Variants in LRRC4C observed in about 807,000 individuals in gnomAD.
LRRC4C encodes leucine rich repeat containing 4C.
LRRC4C carries 5 observed loss-of-function variants against 33.6 expected under a neutral mutation model. The ratio of observed to expected loss-of-function variants is 0.15; its 90% CI spans 0.08 to 0.31. LRRC4C has a LOEUF of 0.31. Ranked by LOEUF, LRRC4C falls within the 10% of genes least tolerant of loss-of-function variation. The pLI is 1.00. For missense variants in LRRC4C, 560 were observed against 796.7 expected, an observed-to-expected ratio of 0.70 and a Z score of 3.58; for synonymous variants, 329 against 302.0, an observed-to-expected ratio of 1.09 and a Z score of -0.93.
At chr11:41,284,752 G>T (rs917978459) in intron 1 of LRRC4C, among the ~76,000 whole-genome samples, 1 of 152,140 alleles carries the variant, frequency 6.6e-6, no homozygotes, top group Admixed American at 6.5e-5. Flanking sequence ...AGAAAAGTTT[G>T]AACATGTGTA....
chr11:41,402,749 G>A (rs1310676643), intron 1 of LRRC4C, among the ~76,000 whole-genome samples: 2 of 151,692 alleles, frequency 1.3e-5, no homozygotes, highest in Non-Finnish European at 2.9e-5. Context: ...CAAGAAACAG[G>A]GCTCAAGAGA....
chr11:40,403,899 C>G (rs536070790), intron 3 of LRRC4C, among the ~76,000 whole-genome samples: 1 of 152,152 alleles, frequency 6.6e-6, no homozygotes, highest in East Asian at 1.9e-4. Flanking sequence ...GTCCAAAATT[C>G]AAGTCCAGTG....
chr11:41,210,971 C>T (rs376479743), intron 1 of LRRC4C, among the ~76,000 whole-genome samples: 43 of 152,100 alleles, frequency 2.8e-4, no homozygotes, highest in Non-Finnish European at 4.4e-4. Flanking sequence ...GTTCACAGTA[C>T]GGTTGGCCCT....
chr11:40,807,866 TAA>T (rs1321396993), intron 2 of LRRC4C, among the ~76,000 whole-genome samples: 3 of 152,184 alleles, frequency 2.0e-5, no homozygotes, highest in Non-Finnish European at 4.4e-5. Context: ...ACAGGACTGA[TAA>T]GCACCTTTGC....
chr11:40,814,068 C>T (rs1355023969), intron 2 of LRRC4C, among the ~76,000 whole-genome samples: 4 of 152,100 alleles, frequency 2.6e-5, no homozygotes, highest in African/African-American at 4.8e-5. Context: ...CCTCTTCTCA[C>T]GGTTCCACTA....
intron 3 of LRRC4C, among the ~76,000 whole-genome samples, chr11:40,535,332 A>G (rs953584342): frequency 1.3e-5 from 2 of 152,308 alleles, no homozygotes; most frequent in South Asian, 2.1e-4. Context: ...AAAAAAGTAT[A>G]TAAAAAACTG....
chr11:40,797,478 C>T lies in LRRC4C; in HGVS notation c.-407+136157G>A, dbSNP rs549640609. Among the ~76,000 whole-genome samples, 41 of 151,990 alleles carry T rather than the reference C, an allele frequency of 2.7e-4. No homozygotes were observed. In the South Asian group the frequency reaches 2.7e-3, roughly 10 times the overall value. On this transcript the variant is annotated intron_variant, in intron 2 of 6. Coordinates refer to ENST00000528697, the MANE Select transcript of LRRC4C (RefSeq NM_001258419.2). ...CCATTAAAGAAGTAAATACAGAATA[C>T]GAGAGTCTTAAAGACTATCTGCAGT...
At chr11:40,749,902 C>T (rs1196327394) in intron 2 of LRRC4C, among the ~76,000 whole-genome samples, 1 of 151,978 alleles carries the variant, frequency 6.6e-6, no homozygotes, top group Non-Finnish European at 1.5e-5. Context: ...TAATAAATTC[C>T]TGGAAATACA....
chr11:41,261,707 CT>C (rs1948987940), intron 1 of LRRC4C, among the ~76,000 whole-genome samples: 1 of 152,084 alleles, frequency 6.6e-6, no homozygotes, highest in Non-Finnish European at 1.5e-5. Context: ...GATTAGACAT[CT>C]TGTCTGAGGG....
At chr11:40,137,461 A>G (rs950361890) in intron 6 of LRRC4C, among the ~76,000 whole-genome samples, 2 of 152,134 alleles carry the variant, frequency 1.3e-5, no homozygotes, top group African/African-American at 4.8e-5. Context: ...ACATTTCCAC[A>G]TGTCCCTTCA....
intron 4 of LRRC4C, among the ~76,000 whole-genome samples, chr11:40,262,520 G>T (rs1941929444): frequency 6.6e-6 from 1 of 152,100 alleles, no homozygotes; most frequent in Admixed American, 6.6e-5. Context: ...CTCCTATAAA[G>T]CCACGTGCCC....
At position 40,870,093 on chromosome 11, in the gene LRRC4C, T is replaced by A. The variant is rs1441886221; in HGVS notation, c.-407+63542A>T. 2.6e-5 allele frequency among the ~76,000 whole-genome samples: 4 copies of A among 152,096 alleles called. No individual in the cohort carries two copies. The South Asian group carries it at 8.3e-4, about 32-fold the overall frequency. On this transcript the variant is annotated intron_variant, in intron 2 of 6. Coordinates refer to ENST00000528697, the MANE Select transcript of LRRC4C (RefSeq NM_001258419.2). ...TAATAAAAAGCAAGACAAGGTTAAG[T>A]CCTCAAGGAGCTCCCTATCTCCAAT...
At chr11:40,671,791 A>G (rs1224258833) in intron 2 of LRRC4C, among the ~76,000 whole-genome samples, 1 of 151,652 alleles carries the variant, frequency 6.6e-6, no homozygotes, top group African/African-American at 2.4e-5. Context: ...CCTCTTTATA[A>G]TTACTCTGTT....
At chr11:40,988,713 C>CT (rs869034558) in intron 1 of LRRC4C, among the ~76,000 whole-genome samples, 2,056 of 57,586 alleles carry the variant, frequency 0.036, 54 homozygotes, top group African/African-American at 0.064. Context: ...CTTTTCTTTT[C>CT]TTTTTTTTTT....
intron 4 of LRRC4C, among the ~76,000 whole-genome samples, chr11:40,312,591 C>T (rs1448629158): frequency 6.6e-6 from 1 of 152,160 alleles, no homozygotes; most frequent in Non-Finnish European, 1.5e-5. Context: ...ATTCCCAACC[C>T]TTCATAGCAC....
intron 1 of LRRC4C, among the ~76,000 whole-genome samples, chr11:41,429,518 G>A (rs1329080041): frequency 6.6e-6 from 1 of 152,136 alleles, no homozygotes; most frequent in Non-Finnish European, 1.5e-5. Context: ...TGATGAAGAA[G>A]ACAGCTATTA....
chr11:41,116,230 A>G (rs1044249640), intron 1 of LRRC4C, among the ~76,000 whole-genome samples: 1 of 152,098 alleles, frequency 6.6e-6, no homozygotes, highest in Non-Finnish European at 1.5e-5. Context: ...CAGCTCCACC[A>G]TATGCATCCT....
At chr11:40,173,124 T>C (rs1860185875) in intron 5 of LRRC4C, among the ~76,000 whole-genome samples, 1 of 152,092 alleles carries the variant, frequency 6.6e-6, no homozygotes, top group Non-Finnish European at 1.5e-5. Context: ...GGTCAGAGAG[T>C]ACACGGCTCT....
In LRRC4C at chr11:40,331,459, A is replaced by G. The variant is rs542081531; in HGVS notation, c.-269-11738T>C. ...GAAAATGTGGCATATATACACAATG[A>G]AATACTATTTATCTATAAAAAAGAA... On this transcript the variant is annotated intron_variant, in intron 3 of 6. Coordinates refer to ENST00000528697, the MANE Select transcript of LRRC4C (RefSeq NM_001258419.2). Among the ~76,000 whole-genome samples, 280 of 152,334 alleles carry G rather than the reference A, an allele frequency of 1.8e-3. 1 individual carries two copies. Among genetic ancestry groups the G allele is most frequent in the African/African-American group, 6.4e-3 (265 of 41,570 alleles).
Sources: gnomAD v4.1 joint callset for allele counts (sites outside exome capture counted in the v4.1 genomes callset) on GRCh38, gnomAD v4.1.1 for gene constraint, MANE v1.5 for transcripts, NCBI Gene and HGNC (gene_info 2026-07-23, HGNC 2026-07-21) for gene names.